RBFOX1: variants seen among roughly 807,000 people sequenced by gnomAD.
RBFOX1 encodes the protein RNA binding fox-1 homolog 1.
In RBFOX1, 8 loss-of-function variants were observed where a neutral mutation model predicts 57.7. That is an observed-to-expected ratio of 0.14 (90% CI 0.08 to 0.25). The LOEUF is 0.25. Ranked by LOEUF, RBFOX1 falls within the 10% of genes least tolerant of loss-of-function variation. RBFOX1 has a pLI of 1.00. For missense variants in RBFOX1, 611 were observed against 548.5 expected, an observed-to-expected ratio of 1.11 and a Z score of -1.14; for synonymous variants, 326 against 222.4, an observed-to-expected ratio of 1.47 and a Z score of -4.15.
intron 3 of RBFOX1, among the ~76,000 whole-genome samples, chr16:6,734,257 C>G (rs1452839377): frequency 1.3e-5 from 2 of 152,132 alleles, no homozygotes; most frequent in African/African-American, 2.4e-5. Context: ...TCTATGAATG[C>G]CCTTTGTTAA....
chr16:7,114,819 G>A (rs2065536770), intron 4 of RBFOX1, among the ~76,000 whole-genome samples: 1 of 152,134 alleles, frequency 6.6e-6, no homozygotes, highest in Non-Finnish European at 1.5e-5. Context: ...TGTGATAGCT[G>A]TAGTGGTTTT....
At chr16:7,302,913 G>C (rs2096067892) in intron 4 of RBFOX1, among the ~76,000 whole-genome samples, 1 of 152,062 alleles carries the variant, frequency 6.6e-6, no homozygotes, top group Non-Finnish European at 1.5e-5. Flanking sequence ...AGAGCAGAAT[G>C]TTAATTTGGC....
Position 5,347,767 on chromosome 16 carries a change from C to G in RBFOX1, c.219+107662C>G, listed in dbSNP as rs866234594. Reference sequence around the variant, plus strand: ...CCACCCGTCAACCCATCCACCCACACTTCCACCCACCCATTGGTCTATCCG... The same window carrying G: ...CCACCCGTCAACCCATCCACCCACAGTTCCACCCACCCATTGGTCTATCCG... On this transcript the variant is annotated intron_variant, in intron 1 of 2. Coordinates refer to the RBFOX1 transcript ENST00000585867. 2.2e-4 allele frequency among the ~76,000 whole-genome samples: 33 copies of G among 150,416 alleles called. 1 individual carries two copies. The highest frequency in any genetic ancestry group is 7.3e-4 in the African/African-American group (30 of 40,904).
chr16:7,573,382 G>T (rs932896101), intron 5 of RBFOX1, among the ~76,000 whole-genome samples: 27 of 152,074 alleles, frequency 1.8e-4, no homozygotes, highest in African/African-American at 6.5e-4. Context: ...TGAGAAGGGG[G>T]TGTCCCTGGC....
In RBFOX1 at chr16:6,518,797, G is replaced by GTCTGTCTGTCTATCTA. The variant is rs1278136972; in HGVS notation, c.-63-135803_-63-135802insGTCTGTCTATCTATCT. 1.4e-4 allele frequency among the ~76,000 whole-genome samples: 15 copies of GTCTGTCTGTCTATCTA among 104,078 alleles called. No individual in the cohort carries two copies. In the East Asian group the frequency reaches 1.5e-3, roughly 10 times the overall value. The allele number at this position is 104,078 out of a possible 152,430, so 68.3% of individuals were successfully genotyped here. On this transcript the variant is annotated intron_variant, in intron 2 of 15. Transcript: ENST00000550418. ...CATCTGTCTGTCTGTCTGTGTGTCT[G>GTCTGTCTGTCTATCTA]TCTATCTATCTATCTATCTATCTAT...
intron 1 of RBFOX1, among the ~76,000 whole-genome samples, chr16:6,108,821 CT>C (rs2096411940): frequency 6.6e-6 from 1 of 152,088 alleles, no homozygotes. Flanking sequence ...TTCACATCAC[CT>C]TTTCCTCTTC....
chr16:7,398,726 C>G (rs984321634), intron 4 of RBFOX1, among the ~76,000 whole-genome samples: 3 of 152,232 alleles, frequency 2.0e-5, no homozygotes, highest in Admixed American at 6.5e-5. Context: ...TGTGCTGAGT[C>G]TGACTACAGT....
chr16:5,725,083 G>C (rs1567452208), intron 3 of RBFOX1, among the ~76,000 whole-genome samples: 1 of 152,108 alleles, frequency 6.6e-6, no homozygotes, highest in African/African-American at 2.4e-5. Context: ...TGTGTCTGTA[G>C]AGATCCATCT....
intron 2 of RBFOX1, among the ~76,000 whole-genome samples, chr16:5,539,240 A>T (rs1205691942): frequency 6.6e-6 from 1 of 152,158 alleles, no homozygotes; most frequent in Non-Finnish European, 1.5e-5. Context: ...CTGGGGCTTC[A>T]CAGGAATGCA....
chr16:5,328,356 T>C (rs2064645666), intron 1 of RBFOX1, among the ~76,000 whole-genome samples: 1 of 152,206 alleles, frequency 6.6e-6, no homozygotes, highest in African/African-American at 2.4e-5. Context: ...CAGGAGACGC[T>C]CTGACCTTAG....
At chr16:6,524,684 T>A (rs1188372165) in intron 2 of RBFOX1, among the ~76,000 whole-genome samples, 1 of 152,168 alleles carries the variant, frequency 6.6e-6, no homozygotes, top group Non-Finnish European at 1.5e-5. Flanking sequence ...GAAATCAAGA[T>A]GTCTGCTGGG....
chr16:7,322,984 G>T (rs1821731261), intron 4 of RBFOX1, among the ~76,000 whole-genome samples: 1 of 151,896 alleles, frequency 6.6e-6, no homozygotes. Context: ...GTGTAGGTCA[G>T]CTCTTCTCCA....
chr16:6,490,303 C>A (rs913865846), intron 2 of RBFOX1, among the ~76,000 whole-genome samples: 3 of 152,128 alleles, frequency 2.0e-5, no homozygotes, highest in African/African-American at 7.2e-5. Flanking sequence ...ATCCAGAAAA[C>A]CAAGACAGAA....
intron 4 of RBFOX1, among the ~76,000 whole-genome samples, chr16:5,890,400 C>T (rs988297320): frequency 1.3e-5 from 2 of 152,060 alleles, no homozygotes; most frequent in African/African-American, 2.4e-5. Context: ...CATGAAGTCC[C>T]AGAACTAAGA....
At chr16:7,395,161 ATT>A (rs5815400) in intron 4 of RBFOX1, among the ~76,000 whole-genome samples, 2 of 144,258 alleles carry the variant, frequency 1.4e-5, no homozygotes, top group Non-Finnish European at 1.5e-5. Flanking sequence ...CCAAGTGTGG[ATT>A]TTTTTTTTTT....
chr16:6,286,356 G>GT (rs568343353), intron 1 of RBFOX1, among the ~76,000 whole-genome samples: 2 of 141,598 alleles, frequency 1.4e-5, no homozygotes, highest in Non-Finnish European at 3.0e-5. Context: ...TGACTCAGAT[G>GT]TGTGAGAACT....
intron 1 of RBFOX1, among the ~76,000 whole-genome samples, chr16:6,193,593 A>T (rs1408741580): frequency 6.6e-6 from 1 of 151,394 alleles, no homozygotes; most frequent in African/African-American, 2.4e-5. Context: ...TTAAAAAATA[A>T]AGAATAAACA....
At chr16:5,664,428 G>C (rs2049764232) in intron 3 of RBFOX1, among the ~76,000 whole-genome samples, 1 of 152,054 alleles carries the variant, frequency 6.6e-6, no homozygotes, top group South Asian at 2.1e-4. Context: ...TGTGCCTGTA[G>C]AGCCAGCTAC....
At chr16:5,303,048 T>C (rs1032200539) in intron 1 of RBFOX1, among the ~76,000 whole-genome samples, 1 of 152,376 alleles carries the variant, frequency 6.6e-6, no homozygotes, top group Admixed American at 6.5e-5. Flanking sequence ...AATACTTTTT[T>C]CCTAGTATTT....
Sources: gnomAD v4.1 joint callset for allele counts (sites outside exome capture counted in the v4.1 genomes callset) on GRCh38, gnomAD v4.1.1 for gene constraint, MANE v1.5 for transcripts, NCBI Gene and HGNC (gene_info 2026-07-23, HGNC 2026-07-21) for gene names.